AP4E1: variants seen among roughly 807,000 people sequenced by gnomAD.
AP4E1 encodes AP-4 complex subunit epsilon-1.
Under a neutral mutation model 128.2 loss-of-function variants are expected in AP4E1, and 56 were observed. The ratio of observed to expected loss-of-function variants is 0.44; its 90% CI spans 0.35 to 0.55. The LOEUF is 0.55. AP4E1 is among the 20% of genes least tolerant of loss of function. AP4E1 has a pLI of 0.00. For synonymous variants in AP4E1, 484 were observed against 473.1 expected, an observed-to-expected ratio of 1.02 and a Z score of -0.30; for missense variants, 1,324 against 1,307.7, an observed-to-expected ratio of 1.01 and a Z score of -0.19.
intron 15 of AP4E1, among the ~76,000 whole-genome samples, chr15:50,980,568 C>A (rs1056323516): frequency 6.6e-6 from 1 of 152,116 alleles, no homozygotes; most frequent in South Asian, 2.1e-4. Context: ...TCTGCTAAGG[C>A]GGTTATTACA....
At chr15:50,915,595 G>C (rs1207907461) in intron 3 of AP4E1, 24 bp downstream of exon 3, 2 of 1,612,702 alleles carry the variant, frequency 1.2e-6, no homozygotes, top group East Asian at 4.5e-5. Flanking sequence ...TTAAGACTTT[G>C]ATGCTTTCAT....
rs146165614 is a variant in AP4E1, at chr15:50,910,704, G to A, written c.151-1374G>A. Among the ~76,000 whole-genome samples the A allele has an allele frequency of 3.5e-3, 531 of 152,310 alleles. 1 individual carries two copies. The highest frequency in any genetic ancestry group is 6.2e-3 in the South Asian group (30 of 4,828). ...GGAGTCTCACTCTGTCGCCCAGGCTGGAATGCAGTGGTGCAATCTTGGCTC... is the reference window on the plus strand; with the variant it reads ...GGAGTCTCACTCTGTCGCCCAGGCTAGAATGCAGTGGTGCAATCTTGGCTC... On this transcript the variant is annotated intron_variant, in intron 1 of 20. Coordinates refer to ENST00000261842, the MANE Select transcript of AP4E1 (RefSeq NM_007347.5).
chr15:50,943,879 C>A (rs1007484018), intron 10 of AP4E1, among the ~76,000 whole-genome samples: 1 of 152,102 alleles, frequency 6.6e-6, no homozygotes, highest in African/African-American at 2.4e-5. Context: ...TCATGCTACT[C>A]AGAAAGGCAT....
intron 10 of AP4E1, among the ~76,000 whole-genome samples, chr15:50,942,066 G>A (rs2063996099): frequency 6.6e-6 from 1 of 152,054 alleles, no homozygotes; most frequent in East Asian, 1.9e-4. Flanking sequence ...ATAGGTGTGT[G>A]CCACCACGCG....
At chr15:50,913,158 A>G (rs923994002) in intron 2 of AP4E1, among the ~76,000 whole-genome samples, 8 of 152,236 alleles carry the variant, frequency 5.3e-5, no homozygotes, top group African/African-American at 1.9e-4. Flanking sequence ...GAGAATGAAT[A>G]TATTTTCTTC....
chr15:50,959,225 A>G (rs2064276770), intron 14 of AP4E1, among the ~76,000 whole-genome samples: 1 of 152,212 alleles, frequency 6.6e-6, no homozygotes, highest in East Asian at 1.9e-4. Flanking sequence ...AAAAAAAAAA[A>G]GATTCAATCT....
Position 50,997,836 on chromosome 15 carries a change from G to T in AP4E1, c.2857G>T (p.Glu953Ter). ...GTCAGTCACTAATAAGAGTGGTTTGGAATTGAAAAGTGCTGACTTAGAAAT... is the reference window on the plus strand; with the variant it reads ...GTCAGTCACTAATAAGAGTGGTTTGTAATTGAAAAGTGCTGACTTAGAAAT... ...VWSVTNKSGLELKSADLEIFP... is the reference protein window; with the variant it reads ...VWSVTNKSGL The change falls in exon 18 of 21, where the codon GAA becomes TAA. Residue 953 changes from glutamate to a stop codon, truncating the protein, a stop_gained. Coordinates refer to ENST00000261842, the MANE Select transcript of AP4E1 (RefSeq NM_007347.5). LOFTEE classifies it high-confidence loss of function. 6.3e-7 allele frequency: 1 copy of T among 1,598,666 alleles called. No homozygotes were observed. Among genetic ancestry groups the T allele is most frequent in the South Asian group, 1.1e-5 (1 of 89,718 alleles).
In AP4E1 at chr15:50,993,454, T is replaced by C. The variant is rs765775777; in HGVS notation, c.2175T>C (p.Asp725=). The change falls in exon 17 of 21, where the codon GAT becomes GAC. Residue 725 remains aspartate (D), a synonymous_variant. Coordinates refer to ENST00000261842, the MANE Select transcript of AP4E1 (RefSeq NM_007347.5). ...CCAAGAAGGAAAGCAAAACTGGTGA[T>C]GAAAGTGGAGCTCTGCCTGTTCCTC... is the stretch of plus-strand genomic sequence containing the variant. ...YLPKKESKTG[D]ESGALPVPQE... 6 of 1,613,942 alleles carry C rather than the reference T, an allele frequency of 3.7e-6. No homozygotes were observed. The Admixed American group carries it at 8.3e-5, about 22-fold the overall frequency.
At chr15:50,913,079 A>G (rs1464451312) in intron 2 of AP4E1, among the ~76,000 whole-genome samples, 1 of 152,224 alleles carries the variant, frequency 6.6e-6, no homozygotes, top group Non-Finnish European at 1.5e-5. Flanking sequence ...CCCTGCCAGT[A>G]AAAATATCAG....
chr15:50,973,156 C>T (rs1247451125), intron 15 of AP4E1, among the ~76,000 whole-genome samples: 1 of 152,112 alleles, frequency 6.6e-6, no homozygotes, highest in African/African-American at 2.4e-5. Context: ...TTTATGAGTT[C>T]AGAATGTCAA....
intron 15 of AP4E1, among the ~76,000 whole-genome samples, chr15:50,973,994 C>A (rs2064517914): frequency 6.6e-6 from 1 of 152,170 alleles, no homozygotes; most frequent in Admixed American, 6.5e-5. Context: ...GAGACAGAAT[C>A]TTGCTCTGTC....
rs2064988686 is a variant in AP4E1 at position 51,003,443 on chromosome 15, A to G, written c.*781A>G. On this transcript the variant is annotated 3_prime_UTR_variant, in exon 21 of 21. Transcript: ENST00000261842. ...CAAACAGATACAAAAATGACTTTTT[A>G]GTTATGACAAATATTTTAGTTGGTT... The G allele has an allele frequency of 6.6e-6, 1 of 152,352 alleles. No individual in the cohort carries two copies. Among genetic ancestry groups the G allele is most frequent in the South Asian group, 2.1e-4 (1 of 4,834 alleles). The allele number at this position is 152,352 out of a possible 1,614,324, so 9.4% of individuals were successfully genotyped here.
intron 7 of AP4E1, among the ~76,000 whole-genome samples, chr15:50,933,102 T>A (rs891672766): frequency 2.0e-5 from 3 of 152,168 alleles, no homozygotes; most frequent in African/African-American, 7.2e-5. Flanking sequence ...TGGATAAATT[T>A]GGATAATACA....
intron 15 of AP4E1, among the ~76,000 whole-genome samples, chr15:50,981,068 C>T (rs1264124614): frequency 6.6e-6 from 1 of 152,166 alleles, no homozygotes; most frequent in East Asian, 1.9e-4. Context: ...AGGGCAGTGC[C>T]TAGTGGAGCC....
chr15:50,972,954 A>G (rs2064501593), intron 15 of AP4E1, among the ~76,000 whole-genome samples: 2 of 152,232 alleles, frequency 1.3e-5, no homozygotes, highest in Admixed American at 6.5e-5. Context: ...TCTTCGTTCA[A>G]CAAAATATCT....
Position 51,002,725 on chromosome 15 carries a change from CA to C in AP4E1, c.*66del. 1 of 1,588,086 alleles carries C rather than the reference CA, an allele frequency of 6.3e-7. No individual in the cohort carries two copies. The highest frequency in any genetic ancestry group is 8.6e-7 in the Non-Finnish European group (1 of 1,160,378). On this transcript the variant is annotated 3_prime_UTR_variant, in exon 21 of 21. Transcript: ENST00000261842. ...GGTTTACATAGATAAACTTATTTAC[CA>C]AAGTAAAAAGAACTCATGGTACTTC...
intron 10 of AP4E1, chr15:50,944,541 A>G (rs762239723): frequency 1.0e-4 from 18 of 180,652 alleles, no homozygotes; most frequent in African/African-American, 1.7e-4. Context: ...GGGGTGACCT[A>G]TGTATTTTTA....
intron 13 of AP4E1, among the ~76,000 whole-genome samples, chr15:50,955,420 C>T (rs2064206557): frequency 6.6e-6 from 1 of 152,196 alleles, no homozygotes; most frequent in African/African-American, 2.4e-5. Flanking sequence ...ATTAGCATTT[C>T]TCTGATGGCT....
chr15:50,939,689 G>C (rs1443475576), intron 8 of AP4E1, among the ~76,000 whole-genome samples: 1 of 152,266 alleles, frequency 6.6e-6, no homozygotes, highest in East Asian at 1.9e-4. Context: ...AACTTTATGA[G>C]CATCTGAATA....
Sources: allele counts gnomAD v4.1 joint callset (sites outside exome capture counted in the v4.1 genomes callset), GRCh38; gene constraint gnomAD v4.1.1; transcripts MANE v1.5; gene names NCBI Gene and HGNC (gene_info 2026-07-23, HGNC 2026-07-21).